The following IFT56 variants were observed in gnomAD, a reference collection of about 807,000 sequenced individuals.
IFT56 encodes intraflagellar transport 56, also known as intraflagellar transport protein 56.
chr7:139,173,758 T>A, the IFT56 span: 1 of 763,632 alleles, frequency 1.3e-6, no homozygotes. Context: ...AAAATCATTA[T>A]GATGTTGGTC....
At chr7:139,158,271 G>A in the IFT56 span, among the ~76,000 whole-genome samples, 3,014 of 141,822 alleles carry the variant, frequency 0.021, 117 homozygotes, top group African/African-American at 0.079. Context: ...CCAAGATTGC[G>A]CCACTGCACT....
chr7:139,178,990 T>G, the IFT56 span, among the ~76,000 whole-genome samples: 1 of 152,248 alleles, frequency 6.6e-6, no homozygotes, highest in African/African-American at 2.4e-5. Context: ...ATATAACGTA[T>G]GTACAGAAAA....
chr7:139,178,487 T>A, the IFT56 span: 1 of 1,585,784 alleles, frequency 6.3e-7, no homozygotes, highest in Non-Finnish European at 8.7e-7. Flanking sequence ...TAATTCTCAG[T>A]GTGACCTGTT....
At chr7:139,177,755 A>T in the IFT56 span, among the ~76,000 whole-genome samples, 1 of 152,036 alleles carries the variant, frequency 6.6e-6, no homozygotes, top group Non-Finnish European at 1.5e-5. Flanking sequence ...ATCCTCCACC[A>T]CTCAAATAGG....
the IFT56 span, among the ~76,000 whole-genome samples, chr7:139,162,720 G>C: frequency 6.6e-6 from 1 of 152,090 alleles, no homozygotes; most frequent in African/African-American, 2.4e-5. Context: ...CAGCACTTTG[G>C]GAGGCCAAGG....
the IFT56 span, among the ~76,000 whole-genome samples, chr7:139,157,453 T>G: frequency 6.6e-6 from 1 of 151,346 alleles, no homozygotes; most frequent in Admixed American, 6.6e-5. Context: ...GGCCAGACCT[T>G]TAAGTTCTTT....
chr7:139,158,061 C>T, the IFT56 span, among the ~76,000 whole-genome samples: 696 of 152,092 alleles, frequency 4.6e-3, 4 homozygotes, highest in Middle Eastern at 6.8e-3. Flanking sequence ...TGCCTGTAAT[C>T]CCAGCACTTT....
chr7:139,186,890 C>T, the IFT56 span, among the ~76,000 whole-genome samples: 1 of 149,920 alleles, frequency 6.7e-6, no homozygotes, highest in Non-Finnish European at 1.5e-5. Flanking sequence ...GTCAGGAGAT[C>T]GAGACCATCC....
At chr7:139,187,056 T>TGCAGTCC in the IFT56 span, among the ~76,000 whole-genome samples, 2 of 135,122 alleles carry the variant, frequency 1.5e-5, no homozygotes, top group African/African-American at 2.9e-5. Flanking sequence ...ATTGCGCCAC[T>TGCAGTCC]GCAGTCCGCA....
At chr7:139,178,904 A>C in the IFT56 span, among the ~76,000 whole-genome samples, 1 of 152,234 alleles carries the variant, frequency 6.6e-6, no homozygotes, top group Non-Finnish European at 1.5e-5. Flanking sequence ...CTCTTAAAAA[A>C]AAAAAATTAC....
At chr7:139,157,697 G>A in the IFT56 span, among the ~76,000 whole-genome samples, 1 of 151,806 alleles carries the variant, frequency 6.6e-6, no homozygotes, top group African/African-American at 2.4e-5. Flanking sequence ...AATAGAGACA[G>A]GTCTCACTAC....
At chr7:139,178,183 A>G in the IFT56 span, 4 of 1,507,526 alleles carry the variant, frequency 2.7e-6, no homozygotes, top group South Asian at 3.4e-5. Context: ...TCTCATGAAT[A>G]TATGTGGGGT....
At chr7:139,184,991 T>A in the IFT56 span, among the ~76,000 whole-genome samples, 1 of 150,944 alleles carries the variant, frequency 6.6e-6, no homozygotes, top group African/African-American at 2.5e-5. Flanking sequence ...GAGGTGGAGC[T>A]TGCAGTGAGC....
chr7:139,156,985 GC>G, the IFT56 span, among the ~76,000 whole-genome samples: 5 of 152,050 alleles, frequency 3.3e-5, no homozygotes, highest in South Asian at 2.1e-4. Context: ...TCTAAAACAA[GC>G]CTGCCAAATC....
the IFT56 span, among the ~76,000 whole-genome samples, chr7:139,176,442 A>G: frequency 6.6e-6 from 1 of 152,208 alleles, no homozygotes; most frequent in Non-Finnish European, 1.5e-5. Flanking sequence ...TCTTGCATGG[A>G]TATTAAGCTT....
At chr7:139,172,527 G>A in the IFT56 span, 74 of 489,086 alleles carry the variant, frequency 1.5e-4, 1 homozygote, top group South Asian at 5.4e-4. Flanking sequence ...TAAATTGCCC[G>A]GAGATTCTTG....
At chr7:139,182,698 G>C in the IFT56 span, among the ~76,000 whole-genome samples, 8 of 152,158 alleles carry the variant, frequency 5.3e-5, no homozygotes, top group Non-Finnish European at 8.8e-5. Flanking sequence ...CCAGTAAATG[G>C]GGTGAGGAAC....
At chr7:139,178,598 G>C in the IFT56 span, 2 of 1,613,610 alleles carry the variant, frequency 1.2e-6, no homozygotes, top group South Asian at 2.2e-5. Flanking sequence ...AGGGCGAAGA[G>C]GTGGGTATCT....
At chr7:139,137,742 T>C in the IFT56 span, 1 of 779,404 alleles carries the variant, frequency 1.3e-6, no homozygotes, top group South Asian at 1.6e-5. Flanking sequence ...ATGCTTCTAA[T>C]ACTTAGATTG....
Sources: allele counts gnomAD v4.1 joint callset (sites outside exome capture counted in the v4.1 genomes callset), GRCh38; gene constraint gnomAD v4.1.1; transcripts MANE v1.5; gene names NCBI Gene and HGNC (gene_info 2026-07-23, HGNC 2026-07-21).